The following NRG3 variants were observed in gnomAD, a reference collection of about 807,000 sequenced individuals.
NRG3 encodes neuregulin 3.
In NRG3, 31 loss-of-function variants were observed where a neutral mutation model predicts 66.9. The ratio of observed to expected loss-of-function variants is 0.46; its 90% CI spans 0.35 to 0.63. The LOEUF is 0.63. Ranked by LOEUF, NRG3 falls within the 20% of genes least tolerant of loss-of-function variation. The pLI is 0.00. For missense variants in NRG3, 910 were observed against 878.9 expected (o/e 1.04, Z -0.45); for synonymous variants, 393 against 359.4 (o/e 1.09, Z -1.06).
chr10:81,971,535 G>T (rs1164509026), intron 1 of NRG3, among the ~76,000 whole-genome samples: 2 of 152,206 alleles, frequency 1.3e-5, no homozygotes, highest in East Asian at 3.9e-4. Flanking sequence ...GAGACCTTCT[G>T]AATGAGACAG....
chr10:82,180,253 T>G (rs538991383), intron 1 of NRG3, among the ~76,000 whole-genome samples: 1 of 151,998 alleles, frequency 6.6e-6, no homozygotes, highest in South Asian at 2.1e-4. Context: ...CTTGTTAAAT[T>G]GCTCACACTA....
chr10:82,444,881 C>G (rs1262379035), intron 2 of NRG3, among the ~76,000 whole-genome samples: 1 of 152,150 alleles, frequency 6.6e-6, no homozygotes, highest in Non-Finnish European at 1.5e-5. Context: ...TGTAAAATTA[C>G]TTAATACAGA....
chr10:82,213,179 A>T (rs1404169131), intron 1 of NRG3, among the ~76,000 whole-genome samples: 1 of 152,238 alleles, frequency 6.6e-6, no homozygotes, highest in Admixed American at 6.5e-5. Context: ...CTGTGGCCTC[A>T]TGCAGGGCAC....
intron 1 of NRG3, among the ~76,000 whole-genome samples, chr10:82,135,458 A>G (rs1323973360): frequency 6.6e-6 from 1 of 152,010 alleles, no homozygotes; most frequent in Non-Finnish European, 1.5e-5. Flanking sequence ...CTTCCTTTTT[A>G]AGGCAAATAA....
chr10:81,972,639 T>G (rs2059973050), intron 1 of NRG3, among the ~76,000 whole-genome samples: 1 of 152,148 alleles, frequency 6.6e-6, no homozygotes, highest in South Asian at 2.1e-4. Context: ...ACTATCATGA[T>G]GAAACACAGA....
chr10:82,469,429 T>A (rs1382589404), intron 2 of NRG3, among the ~76,000 whole-genome samples: 1 of 151,584 alleles, frequency 6.6e-6, no homozygotes, highest in African/African-American at 2.4e-5. Flanking sequence ...AACTTAAAGG[T>A]GAGTGGCACT....
intron 3 of NRG3, among the ~76,000 whole-genome samples, chr10:82,819,771 T>C (rs986036588): frequency 6.6e-6 from 1 of 152,174 alleles, no homozygotes; most frequent in Non-Finnish European, 1.5e-5. Context: ...TGTAAGACCT[T>C]ATTGTGGGCT....
intron 2 of NRG3, among the ~76,000 whole-genome samples, chr10:82,396,906 A>G (rs1486679040): frequency 6.6e-6 from 1 of 152,144 alleles, no homozygotes; most frequent in African/African-American, 2.4e-5. Flanking sequence ...CACTTAAAGA[A>G]TTTGCTATCA....
At chr10:82,900,629 T>C (rs73309601) in intron 4 of NRG3, among the ~76,000 whole-genome samples, 5,993 of 152,250 alleles carry the variant, frequency 0.039, 138 homozygotes, top group Middle Eastern at 0.1. Context: ...GCTAAGTCTT[T>C]TGCATGCGTT....
intron 2 of NRG3, among the ~76,000 whole-genome samples, chr10:82,617,025 G>A (rs1398775565): frequency 6.6e-6 from 1 of 152,138 alleles, no homozygotes; most frequent in East Asian, 1.9e-4. Context: ...ACGTATTGGG[G>A]GATTGGATAG....
At chr10:82,120,426 C>T (rs868542705) in intron 1 of NRG3, among the ~76,000 whole-genome samples, 1 of 152,052 alleles carries the variant, frequency 6.6e-6, no homozygotes, top group African/African-American at 2.4e-5. Context: ...ACATTTGTTT[C>T]TTTAAAGAAG....
chr10:82,170,671 T>A (rs564352391), intron 1 of NRG3, among the ~76,000 whole-genome samples: 13 of 107,828 alleles, frequency 1.2e-4, no homozygotes, highest in Non-Finnish European at 2.0e-4. Context: ...TATATATATA[T>A]ATATATATAT....
chr10:82,971,823 A>T (rs1851773150), intron 6 of NRG3, among the ~76,000 whole-genome samples: 1 of 152,194 alleles, frequency 6.6e-6, no homozygotes, highest in Admixed American at 6.5e-5. Flanking sequence ...TCATTCTATG[A>T]ATATGAAATA....
At chr10:82,463,301 C>T (rs981269857) in intron 2 of NRG3, among the ~76,000 whole-genome samples, 8 of 152,106 alleles carry the variant, frequency 5.3e-5, no homozygotes, top group Admixed American at 1.3e-4. Context: ...GATCATTTGT[C>T]CTTTGTCCTA....
intron 1 of NRG3, among the ~76,000 whole-genome samples, chr10:81,882,143 A>G (rs576396730): frequency 7.9e-5 from 12 of 152,340 alleles, no homozygotes; most frequent in Admixed American, 2.6e-4. Context: ...TATTATCCCA[A>G]CTGAGTACTG....
intron 2 of NRG3, among the ~76,000 whole-genome samples, chr10:82,427,550 A>G (rs986861028): frequency 6.6e-6 from 1 of 152,152 alleles, no homozygotes; most frequent in African/African-American, 2.4e-5. Context: ...TTTATGTTGT[A>G]CAATCCTAGT....
chr10:82,308,056 T>C (rs183460868), intron 1 of NRG3, among the ~76,000 whole-genome samples: 36 of 152,292 alleles, frequency 2.4e-4, no homozygotes, highest in Admixed American at 1.6e-3. Flanking sequence ...TATTATAAAT[T>C]CTACTTAGTT....
chr10:82,408,027 T>G (rs998609417), intron 2 of NRG3, among the ~76,000 whole-genome samples: 5 of 133,124 alleles, frequency 3.8e-5, no homozygotes, highest in African/African-American at 1.5e-4. Flanking sequence ...CCAGCCTGTG[T>G]GACAGAGCAA....
At chr10:81,949,304 G>GGCCTCCTCCTCC (rs371281636) in intron 1 of NRG3, among the ~76,000 whole-genome samples, 1,672 of 152,300 alleles carry the variant, frequency 0.011, 11 homozygotes, top group African/African-American at 0.024. Context: ...CCTCCAGGAA[G>GGCCTCCTCCTCC]TCAAGGACTA....
Sources: gnomAD v4.1 joint callset for allele counts (sites outside exome capture counted in the v4.1 genomes callset) on GRCh38, gnomAD v4.1.1 for gene constraint, MANE v1.5 for transcripts, NCBI Gene and HGNC (gene_info 2026-07-23, HGNC 2026-07-21) for gene names.